OR1L8: variants seen among roughly 807,000 people sequenced by gnomAD.
OR1L8 encodes the protein olfactory receptor family 1 subfamily L member 8.
For synonymous variants in OR1L8, 148 were observed against 147.0 expected, an observed-to-expected ratio of 1.01 and a Z score of -0.05; for missense variants, 330 against 377.4, an observed-to-expected ratio of 0.87 and a Z score of 1.04.
chr9:122,548,636 C>T, the OR1L8 span, among the ~76,000 whole-genome samples: 1 of 151,036 alleles, frequency 6.6e-6, no homozygotes, highest in African/African-American at 2.4e-5. Context: ...GGTATGTGTG[C>T]ACAACGTGCA....
chr9:122,573,954 G>A (rs954234829), intron 3 of OR1L8, among the ~76,000 whole-genome samples: 4 of 152,250 alleles, frequency 2.6e-5, no homozygotes, highest in East Asian at 1.9e-4. Flanking sequence ...GTATGTGGAC[G>A]TCCAGATAAT....
At chr9:122,553,041 G>T in the OR1L8 span, 1 of 705,372 alleles carries the variant, frequency 1.4e-6, no homozygotes. Context: ...GTATTTCCTT[G>T]CATTCCCAGT....
chr9:122,560,036 A>T, the OR1L8 span, among the ~76,000 whole-genome samples: 1 of 152,112 alleles, frequency 6.6e-6, no homozygotes, highest in East Asian at 1.9e-4. Context: ...AATATATTTA[A>T]GATAGTTAGC....
rs771272501 is a variant in OR1L8, at chr9:122,567,925, C to T, written c.553G>A (p.Val185Met). ...IHHFLCDLSP[V>M]LKLSCSSIFV... Reference sequence around the variant, plus strand: ...ATGGAAGAGCAGGACAATTTCAGCACAGGGCTGAGGTCACAGAGAAAGTGG... The same window carrying T: ...ATGGAAGAGCAGGACAATTTCAGCATAGGGCTGAGGTCACAGAGAAAGTGG... The change falls in exon 5 of 5, where the codon GTG becomes ATG. Residue 185 changes from valine (V) to methionine (M), a missense_variant. Physicochemically the swap from Val to Met is conservative, Grantham distance 21 (BLOSUM62 1). Transcript: ENST00000641027. The T allele has an allele frequency of 3.7e-6, 6 of 1,613,952 alleles. No individual in the cohort carries two copies. In the South Asian group the frequency reaches 5.5e-5, roughly 15 times the overall value.
At chr9:122,554,291 A>AG in the OR1L8 span, 2 of 569,802 alleles carry the variant, frequency 3.5e-6, no homozygotes, top group Non-Finnish European at 5.9e-6. Flanking sequence ...AGGGATGTAA[A>AG]AAAAAAAAAA....
the OR1L8 span, among the ~76,000 whole-genome samples, chr9:122,550,615 G>T: frequency 1.3e-5 from 2 of 151,224 alleles, no homozygotes; most frequent in Non-Finnish European, 2.9e-5. Flanking sequence ...CAATAAATGT[G>T]ATTCACCACA....
the OR1L8 span, among the ~76,000 whole-genome samples, chr9:122,555,420 G>T: frequency 6.4e-4 from 98 of 152,276 alleles, no homozygotes; most frequent in African/African-American, 2.2e-3. Flanking sequence ...TGAATTAGGT[G>T]ACTTGGCCCT....
In OR1L8 at chr9:122,568,011, T is replaced by G; in HGVS notation, c.467A>C (p.His156Pro). Reference sequence around the variant, plus strand: ...CAGCAGAAGTGTGTGCAGGAGTGAGTGGAGGTGAGGAAATGAGCAGGAGAA... The same window carrying G: ...CAGCAGAAGTGTGTGCAGGAGTGAGGGGAGGTGAGGAAATGAGCAGGAGAA... ...VAFSCSFPHL[H>P]SLLHTLLLNR... is the part of the protein sequence containing the mutation. Residue 156 changes from histidine to proline, a missense_variant, in exon 5 of 5, where the codon CAC becomes CCC. His to Pro is a moderately conservative substitution (Grantham distance 77). Coordinates refer to ENST00000641027, the MANE Select transcript of OR1L8 (RefSeq NM_001004454.2). 1 of 1,612,674 alleles carries G rather than the reference T, an allele frequency of 6.2e-7. No individual in the cohort carries two copies. Among genetic ancestry groups the G allele is most frequent in the South Asian group, 1.1e-5 (1 of 91,004 alleles).
chr9:122,554,813 AG>A, the OR1L8 span, among the ~76,000 whole-genome samples: 1 of 31,942 alleles, frequency 3.1e-5, no homozygotes, highest in Non-Finnish European at 7.1e-5. Context: ...CTTCTGTTGT[AG>A]TAAATAGATT....
chr9:122,582,454 G>A (rs566783297), intron 1 of OR1L8, among the ~76,000 whole-genome samples: 13 of 152,224 alleles, frequency 8.5e-5, no homozygotes, highest in East Asian at 1.9e-4. Context: ...AGTGGCTCAC[G>A]CTTATAATCC....
chr9:122,566,348 G>T (rs537977904), downstream of OR1L8, among the ~76,000 whole-genome samples: 24 of 152,252 alleles, frequency 1.6e-4, no homozygotes, highest in African/African-American at 5.1e-4. Context: ...CATTACAACT[G>T]TGTATAAAGA....
chr9:122,568,768 T>C (rs1831367), intron 4 of OR1L8, 79 bp from the exon 5 acceptor site: 87,293 of 285,432 alleles, frequency 0.31, 15,949 homozygotes, highest in East Asian at 0.82. Flanking sequence ...TATTTCCTAT[T>C]CTGTGAAAAG....
At position 122,568,039 on chromosome 9, in the gene OR1L8, C is replaced by A. The variant is rs1266657181; in HGVS notation, c.439G>T (p.Ala147Ser). 4 of 1,613,964 alleles carry A rather than the reference C, an allele frequency of 2.5e-6. No individual in the cohort carries two copies. In the East Asian group the frequency reaches 8.9e-5, roughly 36 times the overall value. ...AGGTGAGGAAATGAGCAGGAGAAGGCCACCAGCAGGACACAGTGGTGGTGG... is the reference window on the plus strand; with the variant it reads ...AGGTGAGGAAATGAGCAGGAGAAGGACACCAGCAGGACACAGTGGTGGTGG... ...MSHHHCVLLV[A>S]FSCSFPHLHS... is the part of the protein sequence containing the mutation. The change falls in exon 5 of 5, where the codon GCC (alanine) becomes TCC (serine). Residue 147 changes from alanine (A) to serine (S), a missense_variant. By Grantham distance (99) the Ala-to-Ser change is moderately conservative (BLOSUM62 1). Transcript: ENST00000641027.
At chr9:122,566,912 C>A (rs1829436616), downstream of OR1L8, among the ~76,000 whole-genome samples, 5 of 151,826 alleles carry the variant, frequency 3.3e-5, no homozygotes, top group Admixed American at 3.3e-4. Context: ...GGTTTTTGTT[C>A]TTTCTGACCA....
At chr9:122,546,801 CAA>C in the OR1L8 span, among the ~76,000 whole-genome samples, 2 of 152,032 alleles carry the variant, frequency 1.3e-5, no homozygotes, top group African/African-American at 2.4e-5. Flanking sequence ...ATTTTGAAAA[CAA>C]AAATTATTTT....
chr9:122,571,229 G>A (rs1301856335), intron 4 of OR1L8, among the ~76,000 whole-genome samples: 2 of 152,104 alleles, frequency 1.3e-5, no homozygotes, highest in African/African-American at 4.8e-5. Context: ...GAACACTAAT[G>A]AGGGACTGGT....
At chr9:122,548,352 C>G in the OR1L8 span, among the ~76,000 whole-genome samples, 3 of 152,052 alleles carry the variant, frequency 2.0e-5, no homozygotes, top group African/African-American at 4.8e-5. Context: ...AAGTTCTGTC[C>G]TTGATAATAA....
chr9:122,575,537 G>C (rs746273870), intron 3 of OR1L8, among the ~76,000 whole-genome samples: 1 of 152,062 alleles, frequency 6.6e-6, no homozygotes, highest in Non-Finnish European at 1.5e-5. Context: ...GAGATCTGTA[G>C]TGATGTTCCC....
chr9:122,552,686 G>C, the OR1L8 span, among the ~76,000 whole-genome samples: 2 of 151,862 alleles, frequency 1.3e-5, no homozygotes, highest in East Asian at 3.9e-4. Context: ...AGCACTGAAA[G>C]GCAAGTGGGG....
Sources: allele counts gnomAD v4.1 joint callset (sites outside exome capture counted in the v4.1 genomes callset), GRCh38; gene constraint gnomAD v4.1.1; transcripts MANE v1.5; gene names NCBI Gene and HGNC (gene_info 2026-07-23, HGNC 2026-07-21).